The following ADAMTS12 variants were observed in gnomAD, a reference collection of about 807,000 sequenced individuals.
The protein encoded by ADAMTS12 is ADAM metallopeptidase with thrombospondin type 1 motif 12, also known as A disintegrin and metalloproteinase with thrombospondin motifs 12.
Under a neutral mutation model 167.8 loss-of-function variants are expected in ADAMTS12, and 118 were observed. The ratio of observed to expected loss-of-function variants is 0.70; its 90% CI spans 0.61 to 0.82. The LOEUF (loss-of-function observed/expected upper bound fraction) is 0.82, where lower values mean the gene tolerates loss of function less well. Among genes scored for constraint, ADAMTS12 ranks in the 40% least tolerant of loss-of-function variants. The probability of loss-of-function intolerance (pLI) is 0.00; values close to 1 mark genes in which losing one functional copy is unlikely to be tolerated. For synonymous variants in ADAMTS12, 704 were observed against 716.9 expected (o/e 0.98, Z 0.29); for missense variants, 1,916 against 1,998.8 (o/e 0.96, Z 0.79).
intron 19 of ADAMTS12, among the ~76,000 whole-genome samples, chr5:33,561,980 T>C (rs930762801): frequency 1.3e-5 from 2 of 152,126 alleles, no homozygotes; most frequent in Non-Finnish European, 2.9e-5. Flanking sequence ...ATCATTATGG[T>C]GTAGATGAAG....
intron 18 of ADAMTS12, among the ~76,000 whole-genome samples, chr5:33,587,234 C>T (rs757040387): frequency 6.6e-6 from 1 of 152,306 alleles, no homozygotes; most frequent in East Asian, 1.9e-4. Flanking sequence ...TTTGCTTACA[C>T]AAATTTTAGA....
chr5:33,596,067 G>A lies in ADAMTS12; in HGVS notation c.2528-7C>T, dbSNP rs753505331. On this transcript the variant is annotated splice_polypyrimidine_tract_variant and splice_region_variant and intron_variant, in intron 16 of 23. Transcript: ENST00000504830. ...GCAGTTTGGCGGCGGATACCTGGGGGTCAGACAGAAAGATTCACACATATT... is the reference window on the plus strand; with the variant it reads ...GCAGTTTGGCGGCGGATACCTGGGGATCAGACAGAAAGATTCACACATATT... 48 of 1,613,654 alleles carry A rather than the reference G, an allele frequency of 3.0e-5. No homozygotes were observed. Among genetic ancestry groups the A allele is most frequent in the African/African-American group, 5.3e-5 (4 of 74,916 alleles).
At chr5:33,890,393 A>T (rs1463568533) in intron 1 of ADAMTS12, among the ~76,000 whole-genome samples, 1 of 152,226 alleles carries the variant, frequency 6.6e-6, no homozygotes, top group Non-Finnish European at 1.5e-5. Context: ...TGGCTGACTG[A>T]CATCTAACCC....
chr5:33,643,587 G>A, intron 9 of ADAMTS12, 117 bp from the exon 10 acceptor site: 1 of 806,062 alleles, frequency 1.2e-6, no homozygotes, highest in Admixed American at 2.3e-5. Flanking sequence ...ACTGTTGTTA[G>A]TGACTAAGAG....
At chr5:33,766,701 C>T (rs1579918213) in intron 2 of ADAMTS12, among the ~76,000 whole-genome samples, 1 of 151,998 alleles carries the variant, frequency 6.6e-6, no homozygotes, top group African/African-American at 2.4e-5. Context: ...GTACAAAGAA[C>T]TCATTCTTTT....
intron 2 of ADAMTS12, among the ~76,000 whole-genome samples, chr5:33,839,485 T>C (rs906445331): frequency 4.6e-5 from 7 of 152,198 alleles, no homozygotes; most frequent in Non-Finnish European, 1.0e-4. Context: ...CTGAGGCACA[T>C]GCTTTTCCTT....
intron 2 of ADAMTS12, among the ~76,000 whole-genome samples, chr5:33,768,177 G>C (rs1383653257): frequency 6.6e-6 from 1 of 152,188 alleles, no homozygotes; most frequent in African/African-American, 2.4e-5. Flanking sequence ...TATGGAAGAG[G>C]GCTGTGCTGT....
chr5:33,601,924 G>A (rs116182748), intron 16 of ADAMTS12, among the ~76,000 whole-genome samples: 4 of 152,130 alleles, frequency 2.6e-5, no homozygotes, highest in Non-Finnish European at 5.9e-5. Flanking sequence ...AAAAGATTCT[G>A]CCCTATGAAG....
rs1295778792 is a variant in ADAMTS12 at position 33,566,572 on chromosome 5, G to T, written c.3973-5393C>A. ...TGATTTTAAGTTCAAATATATATTA[G>T]ATATATTTTTCCCTCTTCATCCTGA... On this transcript the variant is annotated intron_variant, in intron 19 of 23. Transcript: ENST00000504830. Among the ~76,000 whole-genome samples the T allele has an allele frequency of 4.6e-5, 7 of 152,020 alleles. 1 individual carries two copies. The highest frequency in any genetic ancestry group is 1.5e-5 in the Non-Finnish European group (1 of 68,018).
chr5:33,849,622 G>T (rs1484475098), intron 2 of ADAMTS12, among the ~76,000 whole-genome samples: 2 of 98,116 alleles, frequency 2.0e-5, no homozygotes, highest in African/African-American at 6.5e-5. Context: ...TATATGTATT[G>T]CATAGCAATA....
chr5:33,529,570 A>G (rs1251872092), intron 23 of ADAMTS12, among the ~76,000 whole-genome samples: 2 of 152,198 alleles, frequency 1.3e-5, no homozygotes, highest in Non-Finnish European at 2.9e-5. Context: ...AAATGGAAAT[A>G]ATAGCCTCTC....
chr5:33,757,885 A>G (rs1317971424), intron 2 of ADAMTS12, among the ~76,000 whole-genome samples: 1 of 152,172 alleles, frequency 6.6e-6, no homozygotes, highest in Non-Finnish European at 1.5e-5. Context: ...CAATAAATGC[A>G]CAGTTGCTCA....
At chr5:33,737,948 T>G (rs1256398175) in intron 3 of ADAMTS12, among the ~76,000 whole-genome samples, 1 of 152,012 alleles carries the variant, frequency 6.6e-6, no homozygotes, top group African/African-American at 2.4e-5. Flanking sequence ...GAAGTAACAG[T>G]AGTAGGAAAG....
In ADAMTS12 at chr5:33,891,988, G is replaced by C. The variant is rs796938693; in HGVS notation, c.-132C>G. The stretch of plus-strand genomic sequence containing the variant: ...GGCGCGAGAAGGCAGCGACTGCAAA[G>C]CTGCCCGCGATCTCCCTGTGCTTTT... On this transcript the variant is annotated 5_prime_UTR_variant, in exon 1 of 24. Transcript: ENST00000504830. The C allele has an allele frequency of 2.0e-5, 23 of 1,150,650 alleles. No homozygotes were observed. The African/African-American group carries it at 3.3e-4, about 16-fold the overall frequency. The allele number at this position is 1,150,650 out of a possible 1,614,324, so 71.3% of individuals were successfully genotyped here. A position where few individuals can be genotyped will look rare whatever the true frequency, so the allele number is the denominator to read the frequency against.
intron 23 of ADAMTS12, among the ~76,000 whole-genome samples, chr5:33,530,400 C>T (rs900705621): frequency 2.0e-5 from 3 of 152,226 alleles, no homozygotes; most frequent in African/African-American, 4.8e-5. Flanking sequence ...CACTGCTGAT[C>T]GGAACAAGGC....
intron 1 of ADAMTS12, among the ~76,000 whole-genome samples, chr5:33,883,316 GT>G (rs143214106): frequency 2.5e-4 from 31 of 125,772 alleles, no homozygotes; most frequent in African/African-American, 7.0e-4. Context: ...TGTTTGTTTG[GT>G]TTTTTTTTTG....
chr5:33,795,492 A>G (rs1746739252), intron 2 of ADAMTS12, among the ~76,000 whole-genome samples: 1 of 152,220 alleles, frequency 6.6e-6, no homozygotes, highest in Non-Finnish European at 1.5e-5. Context: ...AAATCGAAAA[A>G]TAAATCTATT....
At chr5:33,548,254 G>C (rs1217299456) in intron 21 of ADAMTS12, among the ~76,000 whole-genome samples, 1 of 152,176 alleles carries the variant, frequency 6.6e-6, no homozygotes, top group Admixed American at 6.5e-5. Flanking sequence ...CATCATAGCA[G>C]GATCAAAGAT....
intron 2 of ADAMTS12, among the ~76,000 whole-genome samples, chr5:33,869,546 AC>A (rs1188226474): frequency 1.3e-5 from 2 of 152,124 alleles, no homozygotes; most frequent in Non-Finnish European, 2.9e-5. Flanking sequence ...TCCAGGGGAG[AC>A]ATCACATGTT....
Sources: allele counts gnomAD v4.1 joint callset (sites outside exome capture counted in the v4.1 genomes callset), GRCh38; gene constraint gnomAD v4.1.1; transcripts MANE v1.5; gene names NCBI Gene and HGNC (gene_info 2026-07-23, HGNC 2026-07-21).